The following PTPRN2 variants were observed in gnomAD, a reference collection of about 807,000 sequenced individuals.
The protein encoded by PTPRN2 is protein tyrosine phosphatase receptor type N2.
PTPRN2 carries 74 observed loss-of-function variants against 118.8 expected under a neutral mutation model. The ratio of observed to expected loss-of-function variants is 0.62; its 90% CI spans 0.52 to 0.76. PTPRN2 has a LOEUF of 0.76. PTPRN2 is among the 30% of genes least tolerant of loss of function. The probability of loss-of-function intolerance (pLI) is 0.00; values close to 1 mark genes in which losing one functional copy is unlikely to be tolerated. For synonymous variants in PTPRN2, 641 were observed against 608.0 expected (o/e 1.05, Z -0.80); for missense variants, 1,481 against 1,394.4 (o/e 1.06, Z -0.99).
At chr7:157,635,529 C>G (rs1448296981) in intron 14 of PTPRN2, among the ~76,000 whole-genome samples, 1 of 152,246 alleles carries the variant, frequency 6.6e-6, no homozygotes, top group Non-Finnish European at 1.5e-5. Flanking sequence ...CATCTAAAAT[C>G]AAGTGAACAA....
chr7:157,885,013 CG>C (rs1796370795), intron 12 of PTPRN2, among the ~76,000 whole-genome samples: 1 of 152,142 alleles, frequency 6.6e-6, no homozygotes, highest in African/African-American at 2.4e-5. Context: ...GAATCCACTT[CG>C]GCTTGTTTAT....
intron 2 of PTPRN2, among the ~76,000 whole-genome samples, chr7:158,455,123 G>C (rs973826660): frequency 1.3e-5 from 2 of 152,242 alleles, no homozygotes; most frequent in African/African-American, 4.8e-5. Flanking sequence ...CCTCCAGGCA[G>C]CCAGCACAGT....
intron 12 of PTPRN2, among the ~76,000 whole-genome samples, chr7:157,772,372 GACAC>G (rs1322388022): frequency 3.3e-5 from 5 of 150,822 alleles, no homozygotes; most frequent in African/African-American, 9.8e-5. Flanking sequence ...CACAGACACA[GACAC>G]ACACAGATAC....
chr7:158,288,899 A>C (rs889802521), intron 3 of PTPRN2, among the ~76,000 whole-genome samples: 2 of 152,142 alleles, frequency 1.3e-5, no homozygotes, highest in Non-Finnish European at 2.9e-5. Context: ...TTGGCTAGGA[A>C]GGTCTTTTCC....
intron 6 of PTPRN2, among the ~76,000 whole-genome samples, chr7:158,163,790 T>C (rs570020445): frequency 5.7e-4 from 87 of 152,126 alleles, no homozygotes; most frequent in Admixed American, 1.4e-3. Flanking sequence ...TTCTATTTCA[T>C]AGGTGACGCC....
chr7:158,388,583 T>C (rs1811685710), intron 2 of PTPRN2, among the ~76,000 whole-genome samples: 1 of 152,214 alleles, frequency 6.6e-6, no homozygotes, highest in Non-Finnish European at 1.5e-5. Context: ...CACCTCCACG[T>C]GTCTGCCAAC....
intron 12 of PTPRN2, among the ~76,000 whole-genome samples, chr7:157,781,918 C>A (rs1037815156): frequency 3.3e-5 from 5 of 152,208 alleles, no homozygotes; most frequent in African/African-American, 1.2e-4. Context: ...ATGTGAAATG[C>A]CCACACAGCA....
At chr7:158,291,874 G>C (rs1800144382) in intron 3 of PTPRN2, among the ~76,000 whole-genome samples, 2 of 152,218 alleles carry the variant, frequency 1.3e-5, no homozygotes, top group Admixed American at 6.5e-5. Flanking sequence ...AAGAGGGAGA[G>C]AAAGAAGAGG....
In PTPRN2 at chr7:157,845,129, C is replaced by T. The variant is rs959301481; in HGVS notation, c.1788+53544G>A. On this transcript the variant is annotated intron_variant, in intron 12 of 22. Coordinates refer to ENST00000389418, the MANE Select transcript of PTPRN2 (RefSeq NM_002847.5). The surrounding 1 kb of genome is among the most constrained non-coding windows in gnomAD (Gnocchi z 4.5). ...GCCCTGACCTCACGTTGGTCCACGA[C>T]GGGCAGAGAGCAACTTGGATGGCTG... Among the ~76,000 whole-genome samples the T allele has an allele frequency of 7.9e-5, 12 of 152,264 alleles. No individual in the cohort carries two copies. The highest frequency in any genetic ancestry group is 2.4e-4 in the African/African-American group (10 of 41,542).
At chr7:158,423,920 T>C (rs1815475817) in intron 2 of PTPRN2, among the ~76,000 whole-genome samples, 1 of 152,216 alleles carries the variant, frequency 6.6e-6, no homozygotes, top group Non-Finnish European at 1.5e-5. Flanking sequence ...CTGTGGTCTG[T>C]AGTTTGCATG....
chr7:158,572,093 A>T (rs1022382171), intron 1 of PTPRN2, among the ~76,000 whole-genome samples: 3 of 152,186 alleles, frequency 2.0e-5, no homozygotes, highest in Non-Finnish European at 2.9e-5. Context: ...GAGCTTCTGG[A>T]AAGCAGGGAA....
Position 157,637,848 on chromosome 7 carries a change from G to A in PTPRN2, c.2197-16339C>T, listed in dbSNP as rs753780152. On this transcript the variant is annotated intron_variant, in intron 14 of 22. Transcript: ENST00000389418. ...GCAGCATTCTCTATTCTGTGCCAAC[G>A]ATGTACTCATTACGATTTTCTGATG... Among the ~76,000 whole-genome samples the A allele has an allele frequency of 3.0e-4, 45 of 152,208 alleles. 1 individual carries two copies. The highest frequency in any genetic ancestry group is 1.3e-4 in the Non-Finnish European group (9 of 68,046).
chr7:158,163,609 G>A (rs987514981), intron 6 of PTPRN2, among the ~76,000 whole-genome samples: 1 of 151,006 alleles, frequency 6.6e-6, no homozygotes, highest in African/African-American at 2.4e-5. Context: ...GGTGGCGCCT[G>A]TACGGGGTTC....
At chr7:157,829,291 T>C (rs777227938) in intron 12 of PTPRN2, among the ~76,000 whole-genome samples, 39 of 152,334 alleles carry the variant, frequency 2.6e-4, no homozygotes, top group Non-Finnish European at 5.4e-4. Flanking sequence ...AGGTGCTATC[T>C]GAACACGGTG....
rs911901719 is a variant in PTPRN2 at position 157,861,375 on chromosome 7, G to A, written c.1788+37298C>T. Among the ~76,000 whole-genome samples, 6 of 152,254 alleles carry A rather than the reference G, an allele frequency of 3.9e-5. No individual in the cohort carries two copies. The highest frequency in any genetic ancestry group is 2.0e-4 in the Admixed American group (3 of 15,288). ...AGGAGCCCGGGTCCCTTCAGTCTGC[G>A]CTCCCTGCGGTGGGCAGTGGCTTCT... is the stretch of plus-strand genomic sequence containing the variant. On this transcript the variant is annotated intron_variant, in intron 12 of 22. Transcript: ENST00000389418. This position sits in a 1 kb window ranked among gnomAD's most constrained non-coding sequence, Gnocchi z 5.8.
rs1337153414 is a variant in PTPRN2 at position 157,659,434 on chromosome 7, C to T, written c.2002-2883G>A. Among the ~76,000 whole-genome samples, 7 of 86,408 alleles carry T rather than the reference C, an allele frequency of 8.1e-5. No homozygotes were observed. The South Asian group carries it at 1.2e-3, about 15-fold the overall frequency. The allele number at this position is 86,408 out of a possible 152,430, so 56.7% of individuals were successfully genotyped here. On this transcript the variant is annotated intron_variant, in intron 13 of 22. Coordinates refer to ENST00000389418, the MANE Select transcript of PTPRN2 (RefSeq NM_002847.5). The stretch of plus-strand genomic sequence containing the variant: ...GGGGACTGGGCGGGAGGTGGATAGC[C>T]GCAGGGACAGGGGTGGGAGGATGGT...
chr7:157,838,150 C>G (rs1228234497), intron 12 of PTPRN2, among the ~76,000 whole-genome samples: 2 of 147,602 alleles, frequency 1.4e-5, no homozygotes, highest in African/African-American at 5.2e-5. Context: ...GGAGAAAGCT[C>G]CTCTCCACTA....
chr7:157,973,458 G>A (rs1259697208), intron 11 of PTPRN2, among the ~76,000 whole-genome samples: 6 of 152,192 alleles, frequency 3.9e-5, no homozygotes, highest in Non-Finnish European at 8.8e-5. Context: ...CCTGATGGGA[G>A]GGAAATGAAT....
intron 2 of PTPRN2, among the ~76,000 whole-genome samples, chr7:158,449,474 A>G (rs1817948655): frequency 6.6e-6 from 1 of 152,220 alleles, no homozygotes; most frequent in Non-Finnish European, 1.5e-5. Context: ...CACACAGCGC[A>G]GTCTGAGTCC....
Sources: gnomAD v4.1 joint callset for allele counts (sites outside exome capture counted in the v4.1 genomes callset) on GRCh38, gnomAD v4.1.1 for gene constraint, Gnocchi (gnomAD v3.1) non-coding constraint, MANE v1.5 for transcripts, NCBI Gene and HGNC (gene_info 2026-07-23, HGNC 2026-07-21) for gene names.